Variants in FNBP1 observed in about 807,000 individuals in gnomAD.
FNBP1 encodes the protein formin-binding protein 1.
FNBP1 carries 26 observed loss-of-function variants against 90.6 expected under a neutral mutation model. That is an observed-to-expected ratio of 0.29 (90% confidence interval 0.21 to 0.40). The LOEUF is 0.40. Ranked by LOEUF, FNBP1 falls within the 10% of genes least tolerant of loss-of-function variation. The pLI is 1.00. For missense variants in FNBP1, 635 were observed against 768.0 expected (o/e 0.83, Z 2.05); for synonymous variants, 260 against 265.2 (o/e 0.98, Z 0.19).
intron 1 of FNBP1, among the ~76,000 whole-genome samples, chr9:130,015,407 AATG>A (rs2057120696): frequency 6.6e-6 from 1 of 152,176 alleles, no homozygotes; most frequent in African/African-American, 2.4e-5. Flanking sequence ...TTCTAGCAGG[AATG>A]ATAATAAAAC....
chr9:129,905,296 A>ATATATATATATG, intron 12 of FNBP1, among the ~76,000 whole-genome samples: 1 of 124,366 alleles, frequency 8.0e-6, no homozygotes, highest in Non-Finnish European at 1.8e-5. Context: ...GTGTGTGTGT[A>ATATATATATATG]TATATATATA....
chr9:130,040,670 C>T lies in FNBP1; in HGVS notation c.24+2282G>A, dbSNP rs184031523. Among the ~76,000 whole-genome samples the T allele has an allele frequency of 3.3e-5, 5 of 151,744 alleles. No homozygotes were observed. In the East Asian group the frequency reaches 9.6e-4, roughly 29 times the overall value. ...TGTCTTTTTAAAAACTCCTCATTGC[C>T]ATACACTTGCATATATAGAACTGTT... On this transcript the variant is annotated intron_variant, in intron 1 of 16. Transcript: ENST00000446176.
intron 1 of FNBP1, among the ~76,000 whole-genome samples, chr9:130,015,228 G>A (rs1342961987): frequency 1.3e-5 from 2 of 152,090 alleles, no homozygotes; most frequent in Non-Finnish European, 2.9e-5. Flanking sequence ...GGCCTAGCAG[G>A]TAAAAGAAGA....
rs1564613643 is a variant in FNBP1, at chr9:130,028,969, T to C, written c.24+13983A>G. On this transcript the variant is annotated intron_variant, in intron 1 of 16. Transcript: ENST00000446176. ...TCCAGCACTACACTTCTTCTCCCCATCAAGCTCAATCCTACTGTTCTCCGT... is the reference window on the plus strand; with the variant it reads ...TCCAGCACTACACTTCTTCTCCCCACCAAGCTCAATCCTACTGTTCTCCGT... Among the ~76,000 whole-genome samples, 4 of 152,300 alleles carry C rather than the reference T, an allele frequency of 2.6e-5. 1 individual carries two copies. The highest frequency in any genetic ancestry group is 6.8e-3 in the Middle Eastern group (2 of 294).
intron 2 of FNBP1, among the ~76,000 whole-genome samples, chr9:129,994,080 C>T (rs1211683558): frequency 6.6e-6 from 1 of 152,112 alleles, no homozygotes; most frequent in Admixed American, 6.6e-5. Flanking sequence ...CTACGTAGAT[C>T]CTAGGAAATG....
intron 1 of FNBP1, among the ~76,000 whole-genome samples, chr9:130,002,923 C>T (rs1000733039): frequency 6.6e-6 from 1 of 152,098 alleles, no homozygotes; most frequent in African/African-American, 2.4e-5. Context: ...TCAAACCAAC[C>T]AAAGGTGTGT....
Position 129,923,857 on chromosome 9 carries a change from C to A in FNBP1, c.1157G>T (p.Ser386Ile). Reference sequence around the variant, plus strand: ...AGCAGAACTTACCCCACGCTTTAGGCTCCTGAAGCAGTGGATTTTGGGTTT... The same window carrying A: ...AGCAGAACTTACCCCACGCTTTAGGATCCTGAAGCAGTGGATTTTGGGTTT... ...TSKPKIHCFR[S>I]LKRGLSLKLG... Residue 386 changes from serine (S) to isoleucine (I), a missense_variant, in exon 10 of 17, where the codon AGC becomes ATC. Coordinates refer to ENST00000446176, the MANE Select transcript of FNBP1 (RefSeq NM_015033.3). The A allele has an allele frequency of 1.9e-6, 3 of 1,596,752 alleles. No individual in the cohort carries two copies. The highest frequency in any genetic ancestry group is 2.6e-6 in the Non-Finnish European group (3 of 1,172,276).
intron 16 of FNBP1, among the ~76,000 whole-genome samples, chr9:129,891,101 G>A (rs984422670): frequency 6.6e-6 from 1 of 150,748 alleles, no homozygotes. Context: ...GTTGCAGTGA[G>A]CTGAGATCGG....
chr9:129,911,860 AG>A (rs1434235479), intron 11 of FNBP1, among the ~76,000 whole-genome samples: 1 of 144,274 alleles, frequency 6.9e-6, no homozygotes, highest in Non-Finnish European at 1.5e-5. Context: ...TGAACCTGGG[AG>A]GCGGAGGTTG....
chr9:130,001,311 C>CAA (rs368528600), intron 1 of FNBP1, among the ~76,000 whole-genome samples: 5 of 24,400 alleles, frequency 2.0e-4, no homozygotes, highest in Admixed American at 6.0e-4. Flanking sequence ...GACTCCATCT[C>CAA]AAAAAAACAA....
chr9:129,984,203 G>A (rs1257330233), intron 2 of FNBP1, among the ~76,000 whole-genome samples: 1 of 151,792 alleles, frequency 6.6e-6, no homozygotes, highest in Non-Finnish European at 1.5e-5. Flanking sequence ...TCCAGCCAGA[G>A]AATTGTGCTT....
At chr9:130,002,385 T>TA (rs1363801007) in intron 1 of FNBP1, among the ~76,000 whole-genome samples, 11 of 152,130 alleles carry the variant, frequency 7.2e-5, no homozygotes, top group Admixed American at 6.6e-4. Context: ...AGGTGGGGCC[T>TA]AATGGGAGGC....
At chr9:130,047,380 CGAG>C (rs1419955391), upstream of FNBP1, among the ~76,000 whole-genome samples, 3 of 152,002 alleles carry the variant, frequency 2.0e-5, no homozygotes, top group African/African-American at 7.2e-5. Context: ...TTTGGGAGGC[CGAG>C]GAGGATGGAT....
intron 10 of FNBP1, among the ~76,000 whole-genome samples, chr9:129,922,125 C>T (rs901038399): frequency 6.6e-6 from 1 of 151,134 alleles, no homozygotes; most frequent in Non-Finnish European, 1.5e-5. Context: ...CAGGCGTGGG[C>T]CACTGGGCCC....
chr9:129,937,556 C>G (rs941830895), intron 6 of FNBP1, among the ~76,000 whole-genome samples: 1 of 146,948 alleles, frequency 6.8e-6, no homozygotes, highest in Non-Finnish European at 1.5e-5. Context: ...CACAGTGAAA[C>G]CCCGTCTCTA....
chr9:129,939,815 T>C (rs978170997), intron 6 of FNBP1, among the ~76,000 whole-genome samples: 2 of 152,026 alleles, frequency 1.3e-5, no homozygotes, highest in African/African-American at 2.4e-5. Flanking sequence ...GTAGTAATAA[T>C]ATAAATGCAC....
chr9:129,915,344 C>T (rs4836678), intron 11 of FNBP1, among the ~76,000 whole-genome samples: 121,894 of 151,920 alleles, frequency 0.8, 49,224 homozygotes, highest in East Asian at 0.88. Context: ...ACAGACACCC[C>T]CCAAGATTTA....
intron 6 of FNBP1, among the ~76,000 whole-genome samples, chr9:129,930,968 T>C (rs886480617): frequency 5.9e-5 from 9 of 152,302 alleles, no homozygotes; most frequent in Middle Eastern, 3.4e-3. Context: ...TATTTGTTTG[T>C]TTGCTTGTTT....
chr9:129,905,312 A>T (rs186177309), intron 12 of FNBP1, among the ~76,000 whole-genome samples: 8,927 of 146,324 alleles, frequency 0.061, 1,002 homozygotes, highest in African/African-American at 0.22. Flanking sequence ...ATATATATAT[A>T]TTTTGTTAAT....
Sources: allele counts gnomAD v4.1 joint callset (sites outside exome capture counted in the v4.1 genomes callset), GRCh38; gene constraint gnomAD v4.1.1; transcripts MANE v1.5; gene names NCBI Gene and HGNC (gene_info 2026-07-23, HGNC 2026-07-21).